Variants in WWC1 observed in about 807,000 individuals in gnomAD.
WWC1 encodes the protein protein KIBRA.
A neutral mutation model predicts 138.4 loss-of-function variants in WWC1; 55 were observed. The observed-to-expected ratio is 0.40, with a 90% CI of 0.32 to 0.50. The LOEUF (loss-of-function observed/expected upper bound fraction) is 0.50, where lower values mean the gene tolerates loss of function less well. Ranked by LOEUF, WWC1 falls within the 20% of genes least tolerant of loss-of-function variation. WWC1 has a pLI of 0.72. For synonymous variants in WWC1, 524 were observed against 564.9 expected, an observed-to-expected ratio of 0.93 and a Z score of 1.03; for missense variants, 1,226 against 1,420.4, an observed-to-expected ratio of 0.86 and a Z score of 2.20.
intron 1 of WWC1, among the ~76,000 whole-genome samples, chr5:168,352,848 T>A (rs1363434269): frequency 6.6e-6 from 1 of 152,134 alleles, no homozygotes; most frequent in Non-Finnish European, 1.5e-5. Flanking sequence ...CCTCTCAAAT[T>A]GCTGGGATTA....
At chr5:168,314,098 G>T in intron 1 of WWC1, among the ~76,000 whole-genome samples, 1 of 152,206 alleles carries the variant, frequency 6.6e-6, no homozygotes, top group Admixed American at 6.5e-5. Flanking sequence ...GAGCACTCAT[G>T]GCAGGGTGGT....
intron 8 of WWC1, among the ~76,000 whole-genome samples, chr5:168,412,556 C>T (rs1780311637): frequency 6.6e-6 from 1 of 152,138 alleles, no homozygotes; most frequent in Non-Finnish European, 1.5e-5. Flanking sequence ...CATACCATTT[C>T]GTTCTCAAAG....
intron 13 of WWC1, 43 bp from the exon 14 acceptor site, chr5:168,430,094 G>A (rs1781825793): frequency 2.1e-6 from 3 of 1,447,758 alleles, no homozygotes; most frequent in Admixed American, 1.7e-5. Flanking sequence ...AGAGAGATGA[G>A]TGTGTTACTA....
At chr5:168,313,050 C>G (rs1771258804) in intron 1 of WWC1, among the ~76,000 whole-genome samples, 2 of 151,886 alleles carry the variant, frequency 1.3e-5, no homozygotes, top group South Asian at 4.2e-4. Context: ...TCAAGTGATT[C>G]ACCCGCCTCG....
At chr5:168,434,692 A>T (rs560141663) in intron 15 of WWC1, among the ~76,000 whole-genome samples, 87 of 152,298 alleles carry the variant, frequency 5.7e-4, no homozygotes, top group Non-Finnish European at 1.0e-3. Flanking sequence ...AGTGTCTCTC[A>T]TGTCCCCAGA....
In WWC1 at chr5:168,397,659, A is replaced by G. The variant is rs186153671; in HGVS notation, c.434-65A>G. ...CTTTCTAGGTTTATTTAGATGGCCAATAAGCCAACTTTGCTGAAATCTGTT... is the reference window on the plus strand; with the variant it reads ...CTTTCTAGGTTTATTTAGATGGCCAGTAAGCCAACTTTGCTGAAATCTGTT... On this transcript the variant is annotated intron_variant, in intron 3 of 22. Coordinates refer to ENST00000265293, the MANE Select transcript of WWC1 (RefSeq NM_015238.3). 3.2e-4 allele frequency: 506 copies of G among 1,579,626 alleles called. 6 individuals are homozygous for G. In the East Asian group the frequency reaches 9.7e-3, roughly 30 times the overall value.
At chr5:168,408,705 A>G in intron 7 of WWC1, 52 bp downstream of exon 7, 1 of 1,603,978 alleles carries the variant, frequency 6.2e-7, no homozygotes, top group Non-Finnish European at 8.5e-7. Flanking sequence ...GGCAGCTGGG[A>G]GGCTGCTGTA....
At chr5:168,309,736 A>G (rs1022404250) in intron 1 of WWC1, among the ~76,000 whole-genome samples, 8 of 151,912 alleles carry the variant, frequency 5.3e-5, no homozygotes, top group Admixed American at 3.3e-4. Flanking sequence ...AGTAGAACAT[A>G]GAGACCTCTC....
At chr5:168,334,572 C>T (rs1773303276) in intron 1 of WWC1, among the ~76,000 whole-genome samples, 1 of 152,074 alleles carries the variant, frequency 6.6e-6, no homozygotes, top group Non-Finnish European at 1.5e-5. Flanking sequence ...TTTACAGTCT[C>T]ATGCTCCTGT....
intron 18 of WWC1, 80 bp from the exon 19 acceptor site, chr5:168,455,276 G>A: frequency 6.8e-7 from 1 of 1,468,984 alleles, no homozygotes. Flanking sequence ...CAGGAGGGAA[G>A]AGGAGCAGCT....
chr5:168,297,735 T>A (rs1263191214), intron 1 of WWC1, among the ~76,000 whole-genome samples: 1 of 152,042 alleles, frequency 6.6e-6, no homozygotes, highest in East Asian at 1.9e-4. Flanking sequence ...TTCTTTTTTC[T>A]CTTTCTCTTA....
intron 1 of WWC1, among the ~76,000 whole-genome samples, chr5:168,354,908 G>T (rs1020440231): frequency 2.0e-5 from 3 of 152,142 alleles, no homozygotes; most frequent in African/African-American, 7.2e-5. Flanking sequence ...TAGGCTCAGG[G>T]ACTTTGCTTC....
chr5:168,300,972 A>G (rs1318336198), intron 1 of WWC1, among the ~76,000 whole-genome samples: 1 of 152,192 alleles, frequency 6.6e-6, no homozygotes, highest in Non-Finnish European at 1.5e-5. Context: ...ATTTCACTGT[A>G]TTCCAGGAAT....
At chr5:168,341,112 A>G (rs773192507) in intron 1 of WWC1, among the ~76,000 whole-genome samples, 8 of 152,200 alleles carry the variant, frequency 5.3e-5, no homozygotes, top group Non-Finnish European at 4.4e-5. Context: ...ACCATGGCGC[A>G]ATAATCGAAG....
chr5:168,428,087 T>C lies in WWC1; in HGVS notation c.1865T>C (p.Val622Ala). 1.9e-6 allele frequency: 3 copies of C among 1,613,798 alleles called. No individual in the cohort carries two copies. Among genetic ancestry groups the C allele is most frequent in the Non-Finnish European group, 2.5e-6 (3 of 1,179,804 alleles). ...AAAGTGGCCTGTGTCTCAGCCGCCG[T>C]ATCGGACGAGTCAGTGGCTGGAGAC... ...GLKVACVSAA[V>A]SDESVAGDSG... is the part of the protein sequence containing the mutation. Residue 622 changes from valine to alanine, a missense_variant, in exon 12 of 23, where the codon GTA becomes GCA. Val to Ala is a moderately conservative substitution (Grantham distance 64, BLOSUM62 0). Transcript: ENST00000265293.
At chr5:168,303,376 A>G (rs1293539141) in intron 1 of WWC1, among the ~76,000 whole-genome samples, 2 of 152,046 alleles carry the variant, frequency 1.3e-5, no homozygotes, top group East Asian at 3.9e-4. Flanking sequence ...ACAGGAGGAT[A>G]GTTTGAGCCC....
chr5:168,368,786 T>C (rs17664039), intron 1 of WWC1, among the ~76,000 whole-genome samples: 6,558 of 152,274 alleles, frequency 0.043, 496 homozygotes, highest in East Asian at 0.21. Flanking sequence ...CTTAAAAAAC[T>C]TTAAGCAAGA....
At chr5:168,429,575 A>T (rs561311877) in intron 13 of WWC1, among the ~76,000 whole-genome samples, 3 of 152,154 alleles carry the variant, frequency 2.0e-5, no homozygotes, top group Non-Finnish European at 4.4e-5. Context: ...ATTTTTTAAT[A>T]GGAATTAGTT....
chr5:168,355,489 C>T (rs570451965), intron 1 of WWC1, among the ~76,000 whole-genome samples: 57 of 124,662 alleles, frequency 4.6e-4, no homozygotes, highest in African/African-American at 1.6e-3. Context: ...AGTGAGACTC[C>T]GTCTCAAAAA....
Sources: allele counts gnomAD v4.1 joint callset (sites outside exome capture counted in the v4.1 genomes callset), GRCh38; gene constraint gnomAD v4.1.1; transcripts MANE v1.5; gene names NCBI Gene and HGNC (gene_info 2026-07-23, HGNC 2026-07-21).